The following CDH9 variants were observed in gnomAD, a reference collection of about 807,000 sequenced individuals.
CDH9 encodes the protein cadherin-9.
In CDH9, 28 loss-of-function variants were observed where a neutral mutation model predicts 70.9. The observed-to-expected ratio is 0.40, with a 90% CI of 0.29 to 0.54. CDH9 has a LOEUF of 0.54. CDH9 is among the 20% of genes least tolerant of loss of function. The probability of loss-of-function intolerance (pLI) is 0.59; values close to 1 mark genes in which losing one functional copy is unlikely to be tolerated. For synonymous variants in CDH9, 409 were observed against 343.1 expected, an observed-to-expected ratio of 1.19 and a Z score of -2.12; for missense variants, 874 against 984.4, an observed-to-expected ratio of 0.89 and a Z score of 1.50.
intron 2 of CDH9, among the ~76,000 whole-genome samples, chr5:26,968,147 A>G (rs1314188681): frequency 6.6e-6 from 1 of 152,230 alleles, no homozygotes; most frequent in Admixed American, 6.5e-5. Context: ...TTCACATTTT[A>G]GTTGGATGTT....
chr5:26,962,047 A>G (rs1742046372), intron 2 of CDH9, among the ~76,000 whole-genome samples: 1 of 151,170 alleles, frequency 6.6e-6, no homozygotes, highest in East Asian at 1.9e-4. Context: ...TCATTGTTAA[A>G]CTCCCACTTT....
chr5:26,963,325 G>T (rs7721491), intron 2 of CDH9, among the ~76,000 whole-genome samples: 106,524 of 151,968 alleles, frequency 0.7, 40,715 homozygotes, highest in East Asian at 0.99. Flanking sequence ...TTTGAGGTGC[G>T]AAATTGGACT....
chr5:26,970,076 TTA>T (rs1742192827), intron 2 of CDH9, among the ~76,000 whole-genome samples: 1 of 151,242 alleles, frequency 6.6e-6, no homozygotes, highest in Non-Finnish European at 1.5e-5. Context: ...AACAATATAG[TTA>T]TGAGATTAAT....
intron 1 of CDH9, among the ~76,000 whole-genome samples, chr5:27,036,851 A>G (rs116017638): frequency 0.023 from 3,563 of 152,090 alleles, 60 homozygotes; most frequent in Non-Finnish European, 0.036. Flanking sequence ...CAAACCCATA[A>G]CATATTTGGT....
intron 1 of CDH9, among the ~76,000 whole-genome samples, chr5:26,997,412 A>C (rs1742685065): frequency 6.6e-6 from 1 of 152,186 alleles, no homozygotes; most frequent in East Asian, 1.9e-4. Context: ...CATTGCAAAG[A>C]TGTCCATCTT....
chr5:26,896,986 T>C (rs919904134), intron 7 of CDH9, among the ~76,000 whole-genome samples: 1 of 151,892 alleles, frequency 6.6e-6, no homozygotes, highest in East Asian at 1.9e-4. Context: ...ATAAAGGGAA[T>C]ATCACCAGTG....
chr5:27,007,875 A>G (rs1742893731), intron 1 of CDH9, among the ~76,000 whole-genome samples: 1 of 152,260 alleles, frequency 6.6e-6, no homozygotes, highest in East Asian at 1.9e-4. Context: ...ATTGAGGAGG[A>G]CACTAAATTT....
intron 1 of CDH9, among the ~76,000 whole-genome samples, chr5:26,998,770 T>G (rs1742713130): frequency 6.6e-6 from 1 of 152,046 alleles, no homozygotes; most frequent in African/African-American, 2.4e-5. Flanking sequence ...GAAAGTTTTA[T>G]AAGGGAAGGA....
intron 9 of CDH9, among the ~76,000 whole-genome samples, chr5:26,889,536 A>G (rs1367576016): frequency 6.6e-6 from 1 of 152,148 alleles, no homozygotes; most frequent in African/African-American, 2.4e-5. Flanking sequence ...ATAACTCAGC[A>G]TAAGCATAAT....
At chr5:27,032,045 G>A (rs1285589971) in intron 1 of CDH9, among the ~76,000 whole-genome samples, 1 of 151,770 alleles carries the variant, frequency 6.6e-6, no homozygotes, top group East Asian at 1.9e-4. Context: ...CAGGTCCAAA[G>A]TTGTGAGGGT....
Position 27,037,338 on chromosome 5 carries a change from A to G in CDH9, c.-50+1125T>C, listed in dbSNP as rs3811938. 9.0e-4 allele frequency among the ~76,000 whole-genome samples: 137 copies of G among 152,052 alleles called. No individual in the cohort carries two copies. In the East Asian group the frequency reaches 0.024, roughly 27 times the overall value. On this transcript the variant is annotated intron_variant, in intron 1 of 11. Transcript: ENST00000231021. The stretch of plus-strand genomic sequence containing the variant: ...ATCTCATCTACCTATAATACAAAAT[A>G]TAAAATGACAACACATCTCCAGAGA...
chr5:26,987,735 G>T (rs1742511915), intron 2 of CDH9, among the ~76,000 whole-genome samples: 1 of 151,938 alleles, frequency 6.6e-6, no homozygotes, highest in South Asian at 2.1e-4. Flanking sequence ...TTAAGAAATA[G>T]AAATATCTAG....
chr5:26,962,451 A>G (rs927670408), intron 2 of CDH9, among the ~76,000 whole-genome samples: 9 of 152,264 alleles, frequency 5.9e-5, no homozygotes, highest in Admixed American at 2.6e-4. Flanking sequence ...GTGTAAAAGC[A>G]TTCCTATTTC....
At chr5:26,917,748 C>T (rs1741173240) in intron 2 of CDH9, among the ~76,000 whole-genome samples, 1 of 152,044 alleles carries the variant, frequency 6.6e-6, no homozygotes, top group Non-Finnish European at 1.5e-5. Flanking sequence ...ACCACCAGAG[C>T]AATCTTCTAA....
At chr5:27,024,243 C>T (rs1743185649) in intron 1 of CDH9, among the ~76,000 whole-genome samples, 1 of 151,582 alleles carries the variant, frequency 6.6e-6, no homozygotes, top group South Asian at 2.1e-4. Flanking sequence ...TTCTCTGTGC[C>T]CTTGGAAAGT....
intron 1 of CDH9, among the ~76,000 whole-genome samples, chr5:27,022,663 G>A (rs1462838054): frequency 3.9e-5 from 6 of 152,244 alleles, no homozygotes; most frequent in African/African-American, 1.2e-4. Context: ...TTTAAGCAGA[G>A]TGTTCTGCAG....
chr5:26,976,399 T>G (rs574663810), intron 2 of CDH9, among the ~76,000 whole-genome samples: 69 of 152,280 alleles, frequency 4.5e-4, no homozygotes, highest in African/African-American at 1.5e-3. Flanking sequence ...GGCATATTGA[T>G]TGTGATAACA....
At chr5:26,963,947 T>C (rs749982991) in intron 2 of CDH9, among the ~76,000 whole-genome samples, 30 of 152,168 alleles carry the variant, frequency 2.0e-4, no homozygotes, top group Non-Finnish European at 4.1e-4. Context: ...TCTATGTTTC[T>C]AACTTAAAGA....
At chr5:27,013,375 A>C (rs1442158316) in intron 1 of CDH9, among the ~76,000 whole-genome samples, 1 of 151,950 alleles carries the variant, frequency 6.6e-6, no homozygotes, top group Non-Finnish European at 1.5e-5. Flanking sequence ...TGTCTGCTAA[A>C]ATAAACTCTT....
Sources: gnomAD v4.1 joint callset for allele counts (sites outside exome capture counted in the v4.1 genomes callset) on GRCh38, gnomAD v4.1.1 for gene constraint, MANE v1.5 for transcripts, NCBI Gene and HGNC (gene_info 2026-07-23, HGNC 2026-07-21) for gene names.